The following SVIL variants were observed in gnomAD, a reference collection of about 807,000 sequenced individuals.
SVIL encodes the protein supervillin, also known as archvillin.
SVIL carries 101 observed loss-of-function variants against 240.4 expected under a neutral mutation model. The observed-to-expected ratio is 0.42, with a 90% confidence interval of 0.36 to 0.50. SVIL has a LOEUF of 0.50. Among genes scored for constraint, SVIL ranks in the 20% least tolerant of loss-of-function variants. The probability of loss-of-function intolerance (pLI) is 0.01; values close to 1 mark genes in which losing one functional copy is unlikely to be tolerated. For missense variants in SVIL, 2,512 were observed against 2,818.7 expected (o/e 0.89, Z 2.46); for synonymous variants, 999 against 1,100.0 (o/e 0.91, Z 1.82).
chr10:29,708,481 C>T (rs1190134582), intron 1 of SVIL, among the ~76,000 whole-genome samples: 2 of 151,488 alleles, frequency 1.3e-5, no homozygotes, highest in African/African-American at 4.9e-5. Flanking sequence ...ATTAGCCAGG[C>T]GTGGTGGCGG....
Position 29,700,661 on chromosome 10 carries a change from G to C in SVIL, c.-399-14010C>G, listed in dbSNP as rs139164231. ...AGTTTTTTGTATTTTTAGTAGAGAC[G>C]GGGTTTCACCACTGTGTTAGCCAGG... On this transcript the variant is annotated intron_variant, in intron 1 of 35. Transcript: ENST00000375400. 4.8e-3 allele frequency among the ~76,000 whole-genome samples: 733 copies of C among 151,990 alleles called. 6 individuals carry two copies. The highest frequency in any genetic ancestry group is 0.013 in the African/African-American group (557 of 41,450).
At chr10:29,643,456 C>T (rs1490056533) in intron 3 of SVIL, among the ~76,000 whole-genome samples, 1 of 152,140 alleles carries the variant, frequency 6.6e-6, no homozygotes, top group Admixed American at 6.5e-5. Flanking sequence ...ATTTTGACCT[C>T]TATGGGAGAA....
rs919391347 is a variant in SVIL, at chr10:29,466,189, A to G, written c.5978-439T>C. ...TATATATGCATATCTATACACAGATATATGTATGTGTATATCACATACACA... is the reference window on the plus strand; with the variant it reads ...TATATATGCATATCTATACACAGATGTATGTATGTGTATATCACATACACA... On this transcript the variant is annotated intron_variant, in intron 33 of 37. Coordinates refer to ENST00000355867, the MANE Select transcript of SVIL (RefSeq NM_021738.3). 3.3e-5 allele frequency among the ~76,000 whole-genome samples: 5 copies of G among 151,718 alleles called. 1 individual carries two copies. The highest frequency in any genetic ancestry group is 3.3e-4 in the Admixed American group (5 of 15,200).
chr10:29,461,870 G>A (rs558031769), intron 36 of SVIL, among the ~76,000 whole-genome samples: 8 of 152,286 alleles, frequency 5.3e-5, no homozygotes, highest in Admixed American at 1.3e-4. Flanking sequence ...ATCAGATTTC[G>A]TTTGTGTCTC....
chr10:29,481,174 G>A (rs1437985589), intron 28 of SVIL, among the ~76,000 whole-genome samples: 4 of 150,508 alleles, frequency 2.7e-5, no homozygotes, highest in Non-Finnish European at 5.9e-5. Context: ...GTGTTTGTTT[G>A]TGTGTCTGTG....
intron 1 of SVIL, among the ~76,000 whole-genome samples, chr10:29,570,420 T>C (rs1294495500): frequency 6.6e-6 from 1 of 152,242 alleles, no homozygotes; most frequent in Non-Finnish European, 1.5e-5. Flanking sequence ...GTTTCAAATA[T>C]GATACTCAAA....
At chr10:29,526,935 C>T (rs773707029) in intron 13 of SVIL, 26 bp downstream of exon 13, 19 of 1,518,820 alleles carry the variant, frequency 1.3e-5, no homozygotes, top group South Asian at 9.0e-5. Flanking sequence ...CACCGGGTGC[C>T]GCATGCATCT....
intron 30 of SVIL, chr10:29,473,517 CTCTT>C (rs1210560695): frequency 1.1e-5 from 4 of 350,340 alleles, no homozygotes; most frequent in Non-Finnish European, 2.1e-5. Flanking sequence ...ATGATGGCAT[CTCTT>C]TGTTTTACTT....
At chr10:29,548,294 T>C (rs1338272265) in intron 6 of SVIL, among the ~76,000 whole-genome samples, 1 of 152,162 alleles carries the variant, frequency 6.6e-6, no homozygotes, top group African/African-American at 2.4e-5. Context: ...AATCTTTTTT[T>C]TCAGAATGAA....
intron 34 of SVIL, among the ~76,000 whole-genome samples, chr10:29,465,043 C>T (rs1854873422): frequency 6.6e-6 from 1 of 152,218 alleles, no homozygotes; most frequent in Non-Finnish European, 1.5e-5. Flanking sequence ...TTCTCCTCTG[C>T]CATTTGCTTC....
At position 29,532,187 on chromosome 10, in the gene SVIL, G is replaced by C; in HGVS notation, c.1839-15C>G. On this transcript the variant is annotated splice_polypyrimidine_tract_variant and intron_variant, in intron 8 of 37. Transcript: ENST00000355867. ...CCCGTGATTTGCTTTGAGAATCAAA[G>C]GGCAGAGAGTATAAGGAAGGCAAAC... 1 of 1,612,810 alleles carries C rather than the reference G, an allele frequency of 6.2e-7. No individual in the cohort carries two copies. The highest frequency in any genetic ancestry group is 8.5e-7 in the Non-Finnish European group (1 of 1,179,570).
intron 1 of SVIL, among the ~76,000 whole-genome samples, chr10:29,720,368 T>C (rs1004138338): frequency 9.2e-5 from 14 of 152,196 alleles, no homozygotes; most frequent in African/African-American, 3.1e-4. Flanking sequence ...TCTATAATTC[T>C]ATACCCAGCA....
intron 1 of SVIL, among the ~76,000 whole-genome samples, chr10:29,582,168 T>G (rs1955971088): frequency 1.3e-5 from 2 of 152,206 alleles, no homozygotes; most frequent in Non-Finnish European, 2.9e-5. Context: ...CGAATGCACC[T>G]AAATGCCACC....
At chr10:29,564,036 T>G (rs1177903074) in intron 2 of SVIL, among the ~76,000 whole-genome samples, 8 of 152,168 alleles carry the variant, frequency 5.3e-5, no homozygotes, top group Non-Finnish European at 1.5e-5. Flanking sequence ...AAGGTACGAA[T>G]GGCCCTGCCC....
chr10:29,480,661 G>A lies in SVIL; in HGVS notation c.5253C>T (p.Ser1751=), dbSNP rs750094358. The change falls in exon 29 of 38, where the codon AGC becomes AGT. Residue 1751 remains serine (S), a synonymous_variant. Transcript: ENST00000355867. ...GGATGTGCCAGACATCCACGGAAAC[G>A]CTGGTGATCTCAAACTGCCTCCTGT... is the stretch of plus-strand genomic sequence containing the variant. ...GHDRRQFEIT[S]VSVDVWHILE... is the part of the protein sequence containing the mutation. 7 of 1,614,080 alleles carry A rather than the reference G, an allele frequency of 4.3e-6. No homozygotes were observed. Among genetic ancestry groups the A allele is most frequent in the East Asian group, 2.2e-5 (1 of 44,894 alleles).
intron 2 of SVIL, among the ~76,000 whole-genome samples, chr10:29,660,705 C>T (rs1329349243): frequency 1.3e-5 from 2 of 152,178 alleles, no homozygotes; most frequent in Non-Finnish European, 2.9e-5. Flanking sequence ...CTAATCTCTG[C>T]CCAGACGCTC....
chr10:29,577,162 A>C (rs1955737537), intron 1 of SVIL, among the ~76,000 whole-genome samples: 1 of 152,186 alleles, frequency 6.6e-6, no homozygotes, highest in South Asian at 2.1e-4. Flanking sequence ...TACAGGTGTG[A>C]GCCACCGCAC....
chr10:29,508,079 G>A (rs904644273), intron 17 of SVIL: 7 of 285,498 alleles, frequency 2.5e-5, no homozygotes, highest in Admixed American at 9.2e-5. Flanking sequence ...GTCAGTTACA[G>A]AGAGAGGAAC....
intron 17 of SVIL, chr10:29,508,178 G>C (rs1186376487): frequency 2.9e-6 from 1 of 341,012 alleles, no homozygotes; most frequent in Non-Finnish European, 5.7e-6. Flanking sequence ...ATAGTTTAAG[G>C]GCACGGGCTC....
Sources: gnomAD v4.1 joint callset for allele counts (sites outside exome capture counted in the v4.1 genomes callset) on GRCh38, gnomAD v4.1.1 for gene constraint, MANE v1.5 for transcripts, NCBI Gene and HGNC (gene_info 2026-07-23, HGNC 2026-07-21) for gene names.